Variants in NRG3 observed in about 807,000 individuals in gnomAD.
The protein encoded by NRG3 is neuregulin 3.
In NRG3, 31 loss-of-function variants were observed where a neutral mutation model predicts 66.9. The observed-to-expected ratio is 0.46, with a 90% CI of 0.35 to 0.63. The LOEUF is 0.63. Ranked by LOEUF, NRG3 falls within the 20% of genes least tolerant of loss-of-function variation. NRG3 has a pLI of 0.00. For missense variants in NRG3, 910 were observed against 878.9 expected, an observed-to-expected ratio of 1.04 and a Z score of -0.45; for synonymous variants, 393 against 359.4, an observed-to-expected ratio of 1.09 and a Z score of -1.06.
rs1218271279 is a variant in NRG3 at position 82,945,891 on chromosome 10, A to G, written c.1055-5578A>G. ...GGGTGGGGTCAGAAGCAGATGGTCA[A>G]CTCACGAAAGGAGGATGTGTTTAAG... On this transcript the variant is annotated intron_variant, in intron 4 of 8. Transcript: ENST00000372141. 2.0e-5 allele frequency among the ~76,000 whole-genome samples: 3 copies of G among 152,158 alleles called. No individual in the cohort carries two copies. The South Asian group carries it at 6.2e-4, about 32-fold the overall frequency.
intron 1 of NRG3, among the ~76,000 whole-genome samples, chr10:82,034,315 C>G (rs1215613390): frequency 7.0e-6 from 1 of 143,408 alleles, no homozygotes; most frequent in African/African-American, 2.6e-5. Context: ...ATCCTTATTT[C>G]AGATGATTCT....
intron 1 of NRG3, among the ~76,000 whole-genome samples, chr10:82,187,526 G>T (rs1255649460): frequency 6.6e-6 from 1 of 152,080 alleles, no homozygotes; most frequent in Non-Finnish European, 1.5e-5. Context: ...TTCTTTGAGG[G>T]AGTATAAATT....
chr10:82,343,769 C>A (rs2082811612), intron 1 of NRG3, among the ~76,000 whole-genome samples: 1 of 151,766 alleles, frequency 6.6e-6, no homozygotes, highest in South Asian at 2.1e-4. Flanking sequence ...CTCAAATCCC[C>A]CCTGAAAATT....
intron 1 of NRG3, among the ~76,000 whole-genome samples, chr10:82,348,337 G>T (rs2083174349): frequency 6.8e-6 from 1 of 146,948 alleles, no homozygotes; most frequent in Admixed American, 6.8e-5. Context: ...AGCTTAGTTT[G>T]GCTGGATATG....
chr10:82,101,429 G>A (rs72825440), intron 1 of NRG3, among the ~76,000 whole-genome samples: 9,563 of 151,610 alleles, frequency 0.063, 380 homozygotes, highest in East Asian at 0.23. Context: ...CAGTAGCTTA[G>A]GTTATTTATT....
In NRG3 at chr10:82,068,249, AT is replaced by A. The variant is rs535283335; in HGVS notation, c.823+192089del. 1.1e-4 allele frequency among the ~76,000 whole-genome samples: 16 copies of A among 152,330 alleles called. No homozygotes were observed. In the South Asian group the frequency reaches 2.9e-3, roughly 28 times the overall value. ...TTTAGAATGCCTTTTAACAATTAGT[AT>A]TTAGTGTCTCACTTTATTTCTAAGG... On this transcript the variant is annotated intron_variant, in intron 1 of 8. Transcript: ENST00000372141.
At chr10:82,911,007 G>A (rs1224075456) in intron 4 of NRG3, among the ~76,000 whole-genome samples, 1 of 152,020 alleles carries the variant, frequency 6.6e-6, no homozygotes, top group Non-Finnish European at 1.5e-5. Context: ...ATTGATTAAT[G>A]GCAGCAGAAT....
Position 82,536,029 on chromosome 10 carries a change from C to A in NRG3, c.953+177161C>A, listed in dbSNP as rs1847782071. Among the ~76,000 whole-genome samples, 6 of 151,238 alleles carry A rather than the reference C, an allele frequency of 4.0e-5. No homozygotes were observed. The South Asian group carries it at 1.0e-3, about 26-fold the overall frequency. ...AGATATTCGCCAAATGGCATTATAT[C>A]TGCTTTGTAAATGTTGATCTCAGGC... On this transcript the variant is annotated intron_variant, in intron 2 of 8. Coordinates refer to ENST00000372141, the MANE Select transcript of NRG3 (RefSeq NM_001010848.4).
intron 2 of NRG3, among the ~76,000 whole-genome samples, chr10:82,464,914 A>T (rs370371501): frequency 1.3e-4 from 20 of 152,192 alleles, no homozygotes; most frequent in African/African-American, 4.6e-4. Flanking sequence ...CTGCTTCCCA[A>T]ATCTCCTGGG....
intron 2 of NRG3, among the ~76,000 whole-genome samples, chr10:82,361,692 C>T (rs544516160): frequency 1.3e-5 from 2 of 151,988 alleles, no homozygotes; most frequent in African/African-American, 2.4e-5. Flanking sequence ...AATACTTCAT[C>T]GTTAGGAAAT....
intron 1 of NRG3, among the ~76,000 whole-genome samples, chr10:82,002,015 T>C (rs1256848581): frequency 6.6e-6 from 1 of 152,192 alleles, no homozygotes; most frequent in African/African-American, 2.4e-5. Flanking sequence ...TATAGTATGA[T>C]GCTTGCAAAT....
intron 2 of NRG3, among the ~76,000 whole-genome samples, chr10:82,360,533 G>A (rs909252337): frequency 1.3e-5 from 2 of 152,210 alleles, no homozygotes; most frequent in Non-Finnish European, 2.9e-5. Flanking sequence ...TGCAGGCTGA[G>A]ATGATTCATC....
intron 1 of NRG3, among the ~76,000 whole-genome samples, chr10:82,038,790 A>G (rs2062906144): frequency 6.6e-6 from 1 of 151,948 alleles, no homozygotes; most frequent in African/African-American, 2.4e-5. Context: ...GATACTTCAC[A>G]TGTGTCTCTG....
chr10:82,713,736 A>G (rs930049920), intron 2 of NRG3, among the ~76,000 whole-genome samples: 18 of 152,226 alleles, frequency 1.2e-4, no homozygotes, highest in African/African-American at 4.3e-4. Flanking sequence ...TGAAAAACAT[A>G]AATTGTATTT....
intron 4 of NRG3, among the ~76,000 whole-genome samples, chr10:82,890,916 T>C (rs4326733): frequency 0.23 from 34,546 of 152,048 alleles, 4,573 homozygotes; most frequent in East Asian, 0.54. Flanking sequence ...TTATTTGACA[T>C]TTGGATAATC....
rs1356210644 is a variant in NRG3, at chr10:82,773,839, AT to A, written c.1027+35193del. ...TATTGATTATAATGTTAGCTGTGAG[AT>A]TTTCATTAATAGCTTTTATTATATG... is the stretch of plus-strand genomic sequence containing the variant. On this transcript the variant is annotated intron_variant, in intron 3 of 8. Transcript: ENST00000372141. 3.9e-5 allele frequency among the ~76,000 whole-genome samples: 6 copies of A among 152,066 alleles called. No individual in the cohort carries two copies. In the East Asian group the frequency reaches 1.2e-3, roughly 29 times the overall value.
At chr10:82,881,716 G>A (rs898390348) in intron 4 of NRG3, among the ~76,000 whole-genome samples, 1 of 152,182 alleles carries the variant, frequency 6.6e-6, no homozygotes, top group African/African-American at 2.4e-5. Context: ...ATGTATTTAT[G>A]TATGTGTGTA....
intron 3 of NRG3, among the ~76,000 whole-genome samples, chr10:82,858,943 T>A (rs1348562015): frequency 6.7e-5 from 4 of 59,930 alleles, no homozygotes; most frequent in Admixed American, 4.2e-4. Context: ...GTAGTCTAAC[T>A]TTTTTTTTTT....
chr10:82,137,588 C>A (rs2069463436), intron 1 of NRG3, among the ~76,000 whole-genome samples: 1 of 152,158 alleles, frequency 6.6e-6, no homozygotes, highest in African/African-American at 2.4e-5. Flanking sequence ...GTAAACAGAT[C>A]AGATTATTGA....
Sources: allele counts gnomAD v4.1 joint callset (sites outside exome capture counted in the v4.1 genomes callset), GRCh38; gene constraint gnomAD v4.1.1; transcripts MANE v1.5; gene names NCBI Gene and HGNC (gene_info 2026-07-23, HGNC 2026-07-21).